HAL: variants seen among roughly 807,000 people sequenced by gnomAD.
HAL encodes the protein histidine ammonia-lyase.
Under a neutral mutation model 81.1 loss-of-function variants are expected in HAL, and 85 were observed. The ratio of observed to expected loss-of-function variants is 1.05; its 90% CI spans 0.88 to 1.25. The LOEUF is 1.25. Among genes scored for constraint, HAL ranks in the 50% most tolerant of loss-of-function variants. The pLI, the probability that HAL is intolerant of heterozygous loss-of-function variation, is 0.00. For synonymous variants in HAL, 301 were observed against 309.2 expected (o/e 0.97, Z 0.28); for missense variants, 798 against 836.6 (o/e 0.95, Z 0.57).
At position 95,987,100 on chromosome 12, in the gene HAL, C is replaced by T. The variant is rs762862322; in HGVS notation, c.1018G>A (p.Val340Met). 1.1e-4 allele frequency: 178 copies of T among 1,613,464 alleles called. 2 individuals are homozygous for T. The East Asian group carries it at 3.9e-3, about 36-fold the overall frequency. Residue 340 changes from valine (V) to methionine (M), a missense_variant, in exon 12 of 21, where the codon GTG becomes ATG. By Grantham distance (21) the Val-to-Met change is conservative (BLOSUM62 1). Coordinates refer to ENST00000261208, the MANE Select transcript of HAL (RefSeq NM_002108.4). ...AAGGCTTTGGTGGTGCCCTTCAGCA[C>T]CTCAAGGGTCAGGGCTGCCACAATG... is the stretch of plus-strand genomic sequence containing the variant. ...ADIVAALTLEVLKGTTKAFDT... is the reference protein window; with the variant it reads ...ADIVAALTLEMLKGTTKAFDT...
In HAL at chr12:95,994,355, C is replaced by A. The variant is rs543843555; in HGVS notation, c.337-191G>T. 5.3e-5 allele frequency among the ~76,000 whole-genome samples: 8 copies of A among 152,308 alleles called. 1 individual carries two copies. Among genetic ancestry groups the A allele is most frequent in the Admixed American group, 4.6e-4 (7 of 15,306 alleles). On this transcript the variant is annotated intron_variant, in intron 4 of 20. Coordinates refer to ENST00000261208, the MANE Select transcript of HAL (RefSeq NM_002108.4). ...TGCAAAAGCATAATGCCTTTCCAAG[C>A]CCCCTTTCCCCACTACAGAGCTGGA...
intron 15 of HAL, among the ~76,000 whole-genome samples, chr12:95,982,764 C>T (rs2080809096): frequency 6.6e-6 from 1 of 152,214 alleles, no homozygotes; most frequent in African/African-American, 2.4e-5. Context: ...AGCCTGTGAC[C>T]TGCTTTTGGG....
At chr12:95,974,425 T>A (rs2080691127) in intron 20 of HAL, 53 bp from the exon 21 acceptor site, 2 of 1,553,994 alleles carry the variant, frequency 1.3e-6, no homozygotes, top group South Asian at 1.1e-5. Flanking sequence ...TGTTTCCACA[T>A]GCTATTAAAC....
At chr12:95,987,927 A>G (rs1949915757) in intron 11 of HAL, among the ~76,000 whole-genome samples, 3 of 151,654 alleles carry the variant, frequency 2.0e-5, no homozygotes, top group South Asian at 4.2e-4. Context: ...GGGTTTCACC[A>G]TGTTGCCCAG....
chr12:95,987,971 C>T (rs1009532249), intron 11 of HAL, among the ~76,000 whole-genome samples: 3 of 152,138 alleles, frequency 2.0e-5, no homozygotes, highest in Non-Finnish European at 2.9e-5. Flanking sequence ...AGGCAATCCA[C>T]CTGTCTCGGC....
At chr12:95,991,266 T>C (rs1191159244) in intron 9 of HAL, among the ~76,000 whole-genome samples, 3 of 152,218 alleles carry the variant, frequency 2.0e-5, no homozygotes, top group Non-Finnish European at 4.4e-5. Flanking sequence ...GTTTTTGTTT[T>C]TGTTTTACAG....
chr12:95,982,225 CA>C (rs2080803272), intron 15 of HAL, among the ~76,000 whole-genome samples: 1 of 152,166 alleles, frequency 6.6e-6, no homozygotes, highest in Non-Finnish European at 1.5e-5. Context: ...AAAATTGAGA[CA>C]CATATTCTTT....
At chr12:95,992,917 C>G in intron 8 of HAL, 112 bp from the exon 9 acceptor site, 1 of 940,362 alleles carries the variant, frequency 1.1e-6, no homozygotes, top group East Asian at 2.6e-5. Context: ...CTGCTATTAC[C>G]TTCTCCTCTC....
intron 12 of HAL, 110 bp from the exon 13 acceptor site, chr12:95,986,270 C>G: frequency 1.4e-6 from 1 of 717,548 alleles, no homozygotes; most frequent in Non-Finnish European, 2.5e-6. Context: ...TGGGCTCTAG[C>G]GATCCTCCTA....
chr12:95,986,300 T>C (rs1949887813), intron 12 of HAL, 140 bp from the exon 13 acceptor site: 5 of 684,870 alleles, frequency 7.3e-6, no homozygotes, highest in Non-Finnish European at 1.3e-5. Context: ...CCCAAAGTGC[T>C]GGGATTACAG....
At chr12:95,988,591 A>C (rs888622266) in intron 10 of HAL, among the ~76,000 whole-genome samples, 4 of 152,096 alleles carry the variant, frequency 2.6e-5, no homozygotes, top group Non-Finnish European at 5.9e-5. Context: ...ACACACATAC[A>C]TGCATCTGTG....
chr12:95,986,707 T>C (rs1949893245), intron 12 of HAL, among the ~76,000 whole-genome samples: 1 of 151,964 alleles, frequency 6.6e-6, no homozygotes, highest in South Asian at 2.1e-4. Flanking sequence ...AATTCGACAG[T>C]TTTTCTTCCC....
intron 4 of HAL, 125 bp downstream of exon 4, chr12:95,994,673 A>G: frequency 1.0e-6 from 1 of 957,652 alleles, no homozygotes; most frequent in Non-Finnish European, 1.7e-6. Flanking sequence ...TACAGACATG[A>G]GTCACTGCTC....
In HAL at chr12:95,995,006, A is replaced by G; in HGVS notation, c.248-13T>C. On this transcript the variant is annotated splice_polypyrimidine_tract_variant and intron_variant, in intron 2 of 20. Coordinates refer to ENST00000261208, the MANE Select transcript of HAL (RefSeq NM_002108.4). The stretch of plus-strand genomic sequence containing the variant: ...TCACCCTCTATAACTAAAACAATGC[A>G]CGGGAGACTCGTTACAGATCACATT... The G allele has an allele frequency of 6.3e-7, 1 of 1,592,890 alleles. No homozygotes were observed. The highest frequency in any genetic ancestry group is 8.6e-7 in the Non-Finnish European group (1 of 1,160,876).
chr12:95,979,133 A>G (rs1167372445), intron 17 of HAL, among the ~76,000 whole-genome samples: 14 of 152,242 alleles, frequency 9.2e-5, no homozygotes, highest in Non-Finnish European at 2.1e-4. Context: ...AACAACCTCA[A>G]TAGGCAGCTT....
At position 95,983,552 on chromosome 12, in the gene HAL, T is replaced by A. The variant is rs541766239; in HGVS notation, c.1287+359A>T. 5.7e-5 allele frequency: 19 copies of A among 332,980 alleles called. No homozygotes were observed. In the South Asian group the frequency reaches 6.3e-4, roughly 11 times the overall value. 20.6% of individuals were successfully genotyped at this position (332,980 alleles called of 1,614,324 possible). ...ATTGTTCAGCATTTCTGCAATCACA[T>A]TTGTGACCCACGTCTTCACCCTTCC... On this transcript the variant is annotated intron_variant, in intron 15 of 20. Transcript: ENST00000261208.
Position 95,976,655 on chromosome 12 carries a change from G to C in HAL, c.1706C>G (p.Pro569Arg), listed in dbSNP as rs1174356774. The change falls in exon 19 of 21, where the codon CCC becomes CGC. Residue 569 changes from proline (P) to arginine (R), a missense_variant. By Grantham distance (103) the Pro-to-Arg change is moderately radical. Coordinates refer to ENST00000261208, the MANE Select transcript of HAL (RefSeq NM_002108.4). ...CTCCAGCGGAGTGGTTGTTTTCAGG[G>C]GACGTAGAAACTCTATGCCCTGGCA... ...AACQGIEFLR[P>R]LKTTTPLEKV... 4 of 1,613,496 alleles carry C rather than the reference G, an allele frequency of 2.5e-6. No homozygotes were observed. In the East Asian group the frequency reaches 8.9e-5, roughly 36 times the overall value.
At position 95,996,276 on chromosome 12, in the gene HAL, T is replaced by C. The variant is rs757762022; in HGVS notation, c.-280A>G. On this transcript the variant is annotated 5_prime_UTR_variant, in exon 1 of 21. Coordinates refer to ENST00000261208, the MANE Select transcript of HAL (RefSeq NM_002108.4). ...TTCAGGGTCCCCAATTTCTCTCTCT[T>C]CCCTCGTTTCTGTCTGTGTTCTCTG... 5.9e-5 allele frequency: 18 copies of C among 306,512 alleles called. No individual in the cohort carries two copies. Among genetic ancestry groups the C allele is most frequent in the Non-Finnish European group, 8.3e-5 (13 of 156,490 alleles). 19.0% of individuals were successfully genotyped at this position (306,512 alleles called of 1,614,324 possible). A position where few individuals can be genotyped will look rare whatever the true frequency, so the allele number is the denominator to read the frequency against.
intron 2 of HAL, 57 bp downstream of exon 2, chr12:95,995,607 A>G (rs1950024107): frequency 1.9e-6 from 3 of 1,607,002 alleles, no homozygotes; most frequent in Non-Finnish European, 1.7e-6. Context: ...TCAATGCTGC[A>G]AAGACTAAGC....
Sources: gnomAD v4.1 joint callset for allele counts (sites outside exome capture counted in the v4.1 genomes callset) on GRCh38, gnomAD v4.1.1 for gene constraint, MANE v1.5 for transcripts, NCBI Gene and HGNC (gene_info 2026-07-23, HGNC 2026-07-21) for gene names.